The following SAMD3 variants were observed in gnomAD, a reference collection of about 807,000 sequenced individuals.
The protein encoded by SAMD3 is sterile alpha motif domain-containing protein 3.
Under a neutral mutation model 58.5 loss-of-function variants are expected in SAMD3, and 63 were observed. The ratio of observed to expected loss-of-function variants is 1.08; its 90% confidence interval spans 0.88 to 1.33. The LOEUF (loss-of-function observed/expected upper bound fraction) is 1.33, where lower values mean the gene tolerates loss of function less well. Ranked by LOEUF, SAMD3 falls within the 40% of genes most tolerant of loss-of-function variation. The pLI, the probability that SAMD3 is intolerant of heterozygous loss-of-function variation, is 0.00. For missense variants in SAMD3, 604 were observed against 608.4 expected (o/e 0.99, Z 0.08); for synonymous variants, 220 against 210.3 (o/e 1.05, Z -0.40).
At chr6:130,324,600 T>G (rs1357996590) in intron 1 of SAMD3, among the ~76,000 whole-genome samples, 1 of 152,190 alleles carries the variant, frequency 6.6e-6, no homozygotes, top group Non-Finnish European at 1.5e-5. Context: ...TTGAAGTTAT[T>G]TCTCTTTTCT....
chr6:130,187,701 T>A (rs1793135791), intron 5 of SAMD3, among the ~76,000 whole-genome samples: 1 of 152,218 alleles, frequency 6.6e-6, no homozygotes, highest in African/African-American at 2.4e-5. Context: ...TTATTCATAA[T>A]ATTTTTATTA....
chr6:130,169,959 C>A (rs543057356), intron 8 of SAMD3, among the ~76,000 whole-genome samples: 5 of 152,170 alleles, frequency 3.3e-5, no homozygotes, highest in African/African-American at 1.2e-4. Context: ...AGGAACTCCA[C>A]CTTTATTCTA....
chr6:130,277,385 G>A (rs1217720988), intron 2 of SAMD3, among the ~76,000 whole-genome samples: 1 of 152,238 alleles, frequency 6.6e-6, no homozygotes, highest in Non-Finnish European at 1.5e-5. Context: ...TGTAAGGCTA[G>A]AAGCAAGATG....
chr6:130,295,330 C>G (rs1350645347), intron 2 of SAMD3, among the ~76,000 whole-genome samples: 1 of 152,150 alleles, frequency 6.6e-6, no homozygotes, highest in Non-Finnish European at 1.5e-5. Context: ...TGACTCACAT[C>G]AAGGCACTGC....
intron 2 of SAMD3, among the ~76,000 whole-genome samples, chr6:130,233,729 G>T (rs1217740262): frequency 2.6e-5 from 4 of 152,172 alleles, no homozygotes; most frequent in Admixed American, 6.5e-5. Flanking sequence ...CTTATGGGCT[G>T]AATTTATAAG....
chr6:130,254,979 A>G (rs1773875493), intron 2 of SAMD3, among the ~76,000 whole-genome samples: 1 of 152,128 alleles, frequency 6.6e-6, no homozygotes, highest in Non-Finnish European at 1.5e-5. Context: ...GGCATTTCAT[A>G]AGTTTTGGTA....
chr6:130,192,359 C>T (rs1793629883), intron 5 of SAMD3, among the ~76,000 whole-genome samples: 1 of 152,212 alleles, frequency 6.6e-6, no homozygotes, highest in Non-Finnish European at 1.5e-5. Context: ...CTGTGACCTG[C>T]ACATACACAT....
At chr6:130,350,740 C>T (rs1777628141) in intron 1 of SAMD3, among the ~76,000 whole-genome samples, 1 of 152,092 alleles carries the variant, frequency 6.6e-6, no homozygotes, top group Non-Finnish European at 1.5e-5. Flanking sequence ...TCATATGGAA[C>T]CAAAAAAGAG....
chr6:130,348,286 T>C (rs942518694), intron 1 of SAMD3, among the ~76,000 whole-genome samples: 3 of 151,976 alleles, frequency 2.0e-5, no homozygotes, highest in African/African-American at 4.8e-5. Context: ...GACTGGCAAA[T>C]TGGATAAAGA....
intron 2 of SAMD3, among the ~76,000 whole-genome samples, chr6:130,234,300 A>G (rs942982497): frequency 2.0e-5 from 3 of 152,024 alleles, no homozygotes; most frequent in Non-Finnish European, 4.4e-5. Context: ...TTGTTGCCCA[A>G]GCTGGAGTGC....
In SAMD3 at chr6:130,144,426, A is replaced by C; in HGVS notation, c.*94T>G. On this transcript the variant is annotated 3_prime_UTR_variant, in exon 12 of 12. Coordinates refer to ENST00000439090, the MANE Select transcript of SAMD3 (RefSeq NM_001017373.4). The stretch of plus-strand genomic sequence containing the variant: ...TCTATAAATACAAGATGATTTTCTC[A>C]TACCTACCTCTACCACAACCCTAAA... 2.5e-6 allele frequency: 3 copies of C among 1,187,564 alleles called. No individual in the cohort carries two copies. The highest frequency in any genetic ancestry group is 1.6e-5 in the South Asian group (1 of 64,062). The allele number at this position is 1,187,564 out of a possible 1,614,324, so 73.6% of individuals were successfully genotyped here.
chr6:130,146,134 T>C lies in SAMD3; in HGVS notation c.1071A>G (p.Lys357=). The change falls in exon 10 of 12, where the codon AAA becomes AAG. Residue 357 remains lysine, a synonymous_variant. Transcript: ENST00000439090. The part of the protein sequence containing the change: ...QLLTRTDIYK[K]TRHILESYSE... ...AATAGGATTCCAAAATGTGCCTTGT[T>C]TTCTTATAAATATCTGTTCTTGTAA... 6.2e-7 allele frequency: 1 copy of C among 1,600,504 alleles called. No homozygotes were observed. Among genetic ancestry groups the C allele is most frequent in the Non-Finnish European group, 8.5e-7 (1 of 1,174,152 alleles).
chr6:130,178,444 A>G (rs1438038328), intron 7 of SAMD3, among the ~76,000 whole-genome samples: 1 of 151,742 alleles, frequency 6.6e-6, no homozygotes, highest in Non-Finnish European at 1.5e-5. Flanking sequence ...TGGCCAAGAG[A>G]GAAAGTGGTA....
At chr6:130,351,272 C>A (rs1046667040) in intron 1 of SAMD3, among the ~76,000 whole-genome samples, 1 of 152,060 alleles carries the variant, frequency 6.6e-6, no homozygotes, top group Non-Finnish European at 1.5e-5. Context: ...AAGAAACTAC[C>A]ATCAGAGTGA....
intron 10 of SAMD3, 58 bp from the exon 11 acceptor site, chr6:130,145,480 C>G: frequency 1.7e-6 from 2 of 1,192,056 alleles, no homozygotes; most frequent in South Asian, 2.7e-5. Flanking sequence ...CAATTGTAAG[C>G]TAAGCTAGTA....
intron 2 of SAMD3, among the ~76,000 whole-genome samples, chr6:130,262,597 G>C (rs1247024027): frequency 6.6e-6 from 1 of 151,554 alleles, no homozygotes; most frequent in Non-Finnish European, 1.5e-5. Flanking sequence ...AAAAAAAAAG[G>C]TTATAAAAGG....
chr6:130,158,635 G>T (rs1439232100), intron 8 of SAMD3, among the ~76,000 whole-genome samples: 2 of 152,200 alleles, frequency 1.3e-5, no homozygotes, highest in Non-Finnish European at 2.9e-5. Context: ...ACTACAAGTT[G>T]TCCAGGTTCT....
intron 2 of SAMD3, among the ~76,000 whole-genome samples, chr6:130,279,433 A>G (rs1041928448): frequency 6.7e-6 from 1 of 148,964 alleles, no homozygotes; most frequent in Non-Finnish European, 1.5e-5. Context: ...TTCCTCCATG[A>G]TTGTAAGTTT....
intron 1 of SAMD3, among the ~76,000 whole-genome samples, chr6:130,329,485 AC>A (rs1277382951): frequency 3.9e-5 from 6 of 152,172 alleles, no homozygotes; most frequent in African/African-American, 1.4e-4. Context: ...AATTATTTCA[AC>A]CATTGTGGAA....
Sources: gnomAD v4.1 joint callset for allele counts (sites outside exome capture counted in the v4.1 genomes callset) on GRCh38, gnomAD v4.1.1 for gene constraint, MANE v1.5 for transcripts, NCBI Gene and HGNC (gene_info 2026-07-23, HGNC 2026-07-21) for gene names.